CCDC59: variants seen among roughly 807,000 people sequenced by gnomAD.
CCDC59 encodes the protein thyroid transcription factor 1-associated protein 26.
In CCDC59, 27 loss-of-function variants were observed where a neutral mutation model predicts 30.5. The ratio of observed to expected loss-of-function variants is 0.89; its 90% CI spans 0.65 to 1.22. The LOEUF is 1.22. Among genes scored for constraint, CCDC59 ranks in the 50% most tolerant of loss-of-function variants. The pLI is 0.00. For synonymous variants in CCDC59, 125 were observed against 100.9 expected, an observed-to-expected ratio of 1.24 and a Z score of -1.43; for missense variants, 362 against 284.4, an observed-to-expected ratio of 1.27 and a Z score of -1.96.
At chr12:82,358,585 T>C (rs752931837), upstream of CCDC59, 2 of 1,612,244 alleles carry the variant, frequency 1.2e-6, no homozygotes, top group Non-Finnish European at 1.7e-6. Flanking sequence ...TCTTGCCCTC[T>C]CCCGGTGACC....
rs1214535106 is a variant in CCDC59 at position 82,356,966 on chromosome 12, G to T, written c.458C>A (p.Thr153Lys). 6.2e-7 allele frequency: 1 copy of T among 1,609,194 alleles called. No individual in the cohort carries two copies. The highest frequency in any genetic ancestry group is 8.5e-7 in the Non-Finnish European group (1 of 1,175,854). ...AAATGAAGAAAATACATACTTTACT[G>T]TTTTAATACATTGTTCTTCTGGCTG... Reference protein sequence around the residue: ...QPQPEEQCIKTVNSFTIPKKN... With the variant: ...QPQPEEQCIKKVNSFTIPKKN... The change falls in exon 2 of 4, where the codon ACA (threonine) becomes AAA (lysine). Residue 153 changes from threonine to lysine, a missense_variant. By Grantham distance (78) the Thr-to-Lys change is moderately conservative. Transcript: ENST00000256151.
At chr12:82,356,596 T>C (rs1264276505) in intron 2 of CCDC59, among the ~76,000 whole-genome samples, 3 of 152,198 alleles carry the variant, frequency 2.0e-5, no homozygotes, top group Non-Finnish European at 4.4e-5. Flanking sequence ...GGCACTAACA[T>C]GTTGAGTCTG....
Position 82,358,291 on chromosome 12 carries a change from T to G in CCDC59, c.86A>C (p.Asn29Thr), listed in dbSNP as rs150805479. ...CCATGTCTTCTGTCTCACATTCTTA[T>G]TCCTGTACCCGACAGTGGAAACCCC... is the stretch of plus-strand genomic sequence containing the variant. ...GEGVSTVGYR[N>T]KNVRQKTWRP... Residue 29 changes from asparagine to threonine, a missense_variant, in exon 1 of 4, where the codon AAT (asparagine) becomes ACT (threonine). By Grantham distance (65) the Asn-to-Thr change is moderately conservative. Transcript: ENST00000256151. 409 of 1,614,194 alleles carry G rather than the reference T, an allele frequency of 2.5e-4. 1 individual carries two copies. In the African/African-American group the frequency reaches 4.8e-3, roughly 19 times the overall value.
chr12:82,358,754 G>A (rs148294101), upstream of CCDC59: 5 of 1,614,072 alleles, frequency 3.1e-6, no homozygotes, highest in South Asian at 4.4e-5. Flanking sequence ...CTGCGCTGAG[G>A]AAGTCAGCGT....
At chr12:82,358,164 T>C (rs1011493901) in intron 1 of CCDC59, 59 bp downstream of exon 1, 7 of 1,594,896 alleles carry the variant, frequency 4.4e-6, no homozygotes, top group Non-Finnish European at 6.0e-6. Context: ...CTTCAGCGAA[T>C]CTTATATCCT....
Position 82,352,824 on chromosome 12 carries a change from C to T in CCDC59, c.*327G>A, listed in dbSNP as rs1565783660. On this transcript the variant is annotated 3_prime_UTR_variant, in exon 4 of 4. Coordinates refer to ENST00000256151, the MANE Select transcript of CCDC59 (RefSeq NM_014167.5). ...ATTGAAATATTTCATTGAAATGCTT[C>T]ATTGATAGCTCTGATTCCTTATTTT... The T allele has an allele frequency of 5.9e-6, 1 of 169,488 alleles. No individual in the cohort carries two copies. The highest frequency in any genetic ancestry group is 1.3e-5 in the Non-Finnish European group (1 of 79,900). The allele number at this position is 169,488 out of a possible 1,614,324, so 10.5% of individuals were successfully genotyped here.
In CCDC59 at chr12:82,356,945, G is replaced by A. The variant is rs1881054920; in HGVS notation, c.464+15C>T. ...AAACAACACTTAAAGGATTTCAAAT[G>A]AAGAAAATACATACTTTACTGTTTT... On this transcript the variant is annotated intron_variant, in intron 2 of 3. Coordinates refer to ENST00000256151, the MANE Select transcript of CCDC59 (RefSeq NM_014167.5). 1.3e-6 allele frequency: 2 copies of A among 1,575,116 alleles called. No homozygotes were observed. The highest frequency in any genetic ancestry group is 2.7e-5 in the African/African-American group (2 of 73,916).
chr12:82,357,055 C>T lies in CCDC59; in HGVS notation c.369G>A (p.Leu123=). 1 of 1,614,192 alleles carries T rather than the reference C, an allele frequency of 6.2e-7. No homozygotes were observed. Among genetic ancestry groups the T allele is most frequent in the Non-Finnish European group, 8.5e-7 (1 of 1,180,010 alleles). The part of the protein sequence containing the change: ...HPLSEQVHQP[L]LEEQCSIDEP... ...CGTCAATGCTACACTGTTCTTCAAGCAACGGCTGGTGAACTTGTTCTGACA... is the reference window on the plus strand; with the variant it reads ...CGTCAATGCTACACTGTTCTTCAAGTAACGGCTGGTGAACTTGTTCTGACA... The change falls in exon 2 of 4, where the codon TTG becomes TTA. Residue 123 remains leucine (L), a synonymous_variant. Transcript: ENST00000256151.
At chr12:82,353,362 A>T in intron 3 of CCDC59, 50 bp from the exon 4 acceptor site, 1 of 1,433,260 alleles carries the variant, frequency 7.0e-7, no homozygotes, top group Non-Finnish European at 9.5e-7. Flanking sequence ...CAGTAGATAC[A>T]GTTCAGAAAT....
chr12:82,358,646 G>A (rs1332375888), upstream of CCDC59: 1 of 1,614,040 alleles, frequency 6.2e-7, no homozygotes. Context: ...TGCAGTTCCT[G>A]AGGGATGCCC....
chr12:82,353,952 A>C (rs557307802), intron 3 of CCDC59, among the ~76,000 whole-genome samples: 2 of 152,138 alleles, frequency 1.3e-5, no homozygotes, highest in African/African-American at 4.8e-5. Flanking sequence ...AAAAAGCCTA[A>C]TTCTGGTCTA....
chr12:82,356,911 T>C, intron 2 of CCDC59, 49 bp downstream of exon 2: 1 of 1,425,858 alleles, frequency 7.0e-7, no homozygotes, highest in Non-Finnish European at 9.6e-7. Context: ...ATAGTACTTT[T>C]AAATAATAAA....
At chr12:82,358,780 T>A (rs113882703), upstream of CCDC59, 2 of 1,612,822 alleles carry the variant, frequency 1.2e-6, no homozygotes, top group East Asian at 4.5e-5. Flanking sequence ...ACGGAGGCCC[T>A]GCCCTCAGAG....
chr12:82,358,520 C>T (rs745752032), upstream of CCDC59: 26 of 1,599,414 alleles, frequency 1.6e-5, no homozygotes, highest in African/African-American at 3.1e-4. Context: ...GAGCTGGCGC[C>T]TCACGGCCAT....
At chr12:82,358,794 C>T, upstream of CCDC59, 1 of 1,613,320 alleles carries the variant, frequency 6.2e-7, no homozygotes, top group East Asian at 2.2e-5. Flanking sequence ...CTCAGAGACG[C>T]GCCCCCTAGT....
At chr12:82,358,730 G>A (rs552954895), upstream of CCDC59, 13 of 1,614,136 alleles carry the variant, frequency 8.1e-6, no homozygotes, top group South Asian at 6.6e-5. Flanking sequence ...ACTTGCCACC[G>A]GAGACAGTGC....
At position 82,354,579 on chromosome 12, in the gene CCDC59, TG is replaced by T. The variant is rs745719520; in HGVS notation, c.479del (p.Pro160GlnfsTer56). 19 of 1,582,038 alleles carry T rather than the reference TG, an allele frequency of 1.2e-5. No homozygotes were observed. Among genetic ancestry groups the T allele is most frequent in the Non-Finnish European group, 1.6e-5 (19 of 1,160,694 alleles). On this transcript the variant is annotated frameshift_variant, in exon 3 of 4. Transcript: ENST00000256151. LOFTEE classifies it high-confidence loss of function. ...CIKTVNSFTI[P>X]KKNKKKTSNQ... ...TTGATGTTTTCTTTTTATTTTTCTTTGGAATTGTAAAGGAGCTTTTAATTGG... is the reference window on the plus strand; with the variant it reads ...TTGATGTTTTCTTTTTATTTTTCTTTGAATTGTAAAGGAGCTTTTAATTGG...
At chr12:82,358,467 C>T (rs1881248955), upstream of CCDC59, 9 of 1,600,510 alleles carry the variant, frequency 5.6e-6, no homozygotes, top group African/African-American at 1.3e-5. Flanking sequence ...CAGAAGGAAT[C>T]CGGCTCGGAG....
At chr12:82,354,333 A>G (rs1880933220) in intron 3 of CCDC59, among the ~76,000 whole-genome samples, 162 bp downstream of exon 3, 1 of 152,168 alleles carries the variant, frequency 6.6e-6, no homozygotes, top group Admixed American at 6.5e-5. Context: ...AGGACTTGGA[A>G]TAAGATGCAA....
Sources: allele counts gnomAD v4.1 joint callset (sites outside exome capture counted in the v4.1 genomes callset), GRCh38; gene constraint gnomAD v4.1.1; transcripts MANE v1.5; gene names NCBI Gene and HGNC (gene_info 2026-07-23, HGNC 2026-07-21).